SNX13: variants seen among roughly 807,000 people sequenced by gnomAD.
SNX13 encodes sorting nexin-13.
A neutral mutation model predicts 133.6 loss-of-function variants in SNX13; 45 were observed. The observed-to-expected ratio is 0.34, with a 90% CI of 0.27 to 0.43. The LOEUF (loss-of-function observed/expected upper bound fraction) is 0.43, where lower values mean the gene tolerates loss of function less well. Ranked by LOEUF, SNX13 falls within the 20% of genes least tolerant of loss-of-function variation. The pLI is 1.00. For synonymous variants in SNX13, 414 were observed against 373.9 expected (o/e 1.11, Z -1.24); for missense variants, 1,032 against 1,145.1 (o/e 0.90, Z 1.43).
chr7:17,796,352 T>A (rs546110080), intron 25 of SNX13: 4 of 152,792 alleles, frequency 2.6e-5, no homozygotes, highest in Non-Finnish European at 5.8e-5. Flanking sequence ...GTAAATGGAG[T>A]TTTTGAAATA....
Position 17,801,568 on chromosome 7 carries a change from C to T in SNX13, c.2298+20G>A. On this transcript the variant is annotated intron_variant, in intron 22 of 25. Coordinates refer to ENST00000428135, the MANE Select transcript of SNX13 (RefSeq NM_015132.5). ...AAGTATGACTTAAACTAAATACTAC[C>T]AAGAATAAAATTAACTCACATTATC... 1 of 1,586,566 alleles carries T rather than the reference C, an allele frequency of 6.3e-7. No homozygotes were observed. The highest frequency in any genetic ancestry group is 8.6e-7 in the Non-Finnish European group (1 of 1,164,116).
At chr7:17,917,360 A>T (rs1799675085) in intron 1 of SNX13, among the ~76,000 whole-genome samples, 1 of 152,272 alleles carries the variant, frequency 6.6e-6, no homozygotes, top group African/African-American at 2.4e-5. Context: ...GAAAAAGAAG[A>T]AGTCAAATAA....
intron 1 of SNX13, among the ~76,000 whole-genome samples, chr7:17,922,977 A>G (rs771132386): frequency 3.9e-5 from 6 of 152,278 alleles, no homozygotes; most frequent in Non-Finnish European, 8.8e-5. Flanking sequence ...AGTAGCAGGT[A>G]GTATTATAAA....
chr7:17,835,742 GA>G (rs528506415), intron 13 of SNX13, among the ~76,000 whole-genome samples: 11 of 150,162 alleles, frequency 7.3e-5, no homozygotes, highest in South Asian at 2.1e-4. Context: ...CAAGAAAGGA[GA>G]AAAAAAAAGT....
chr7:17,795,453 C>T (rs1029713402), intron 25 of SNX13: 3 of 151,670 alleles, frequency 2.0e-5, no homozygotes, highest in African/African-American at 7.3e-5. Context: ...TATTTACCCT[C>T]ACTTCCTTCA....
chr7:17,844,066 TA>T (rs1790211580), intron 12 of SNX13, among the ~76,000 whole-genome samples: 1 of 150,014 alleles, frequency 6.7e-6, no homozygotes, highest in African/African-American at 2.5e-5. Context: ...AAGGAAACAG[TA>T]AAGATTAGAG....
intron 9 of SNX13, among the ~76,000 whole-genome samples, chr7:17,853,346 G>A (rs963836223): frequency 1.3e-5 from 2 of 152,082 alleles, no homozygotes; most frequent in African/African-American, 4.8e-5. Context: ...AAGCAAAGCA[G>A]GAAGAGTGGG....
intron 5 of SNX13, among the ~76,000 whole-genome samples, chr7:17,883,856 G>T (rs756368851): frequency 2.0e-5 from 3 of 152,152 alleles, no homozygotes; most frequent in Non-Finnish European, 4.4e-5. Context: ...TGCTGAGAAT[G>T]ATGGTTTCCA....
rs986767686 is a variant in SNX13 at position 17,885,291 on chromosome 7, T to C, written c.440+5072A>G. 5.4e-5 allele frequency among the ~76,000 whole-genome samples: 5 copies of C among 92,658 alleles called. No homozygotes were observed. The East Asian group carries it at 1.7e-3, about 31-fold the overall frequency. The allele number at this position is 92,658 out of a possible 152,430, so 60.8% of individuals were successfully genotyped here. On this transcript the variant is annotated intron_variant, in intron 5 of 25. Coordinates refer to ENST00000428135, the MANE Select transcript of SNX13 (RefSeq NM_015132.5). ...AAAATGCTCAGAATAGGCAAATCCA[T>C]AGAGACAAAAAAAAAAAAAAAAGAT... is the stretch of plus-strand genomic sequence containing the variant.
intron 1 of SNX13, among the ~76,000 whole-genome samples, chr7:17,910,708 T>TC (rs1798872572): frequency 1.3e-5 from 2 of 152,160 alleles, no homozygotes. Flanking sequence ...TACCTATAAT[T>TC]CAGCCATGAA....
chr7:17,908,087 T>C (rs141099713), intron 1 of SNX13, among the ~76,000 whole-genome samples: 1 of 152,252 alleles, frequency 6.6e-6, no homozygotes, highest in Non-Finnish European at 1.5e-5. Context: ...ATCCCAAATG[T>C]TTCCTATATT....
chr7:17,858,736 A>G (rs2128335511), intron 9 of SNX13, among the ~76,000 whole-genome samples: 1 of 152,260 alleles, frequency 6.6e-6, no homozygotes, highest in African/African-American at 2.4e-5. Context: ...AGCTAAAGTA[A>G]TCAGAAAGTA....
intron 20 of SNX13, among the ~76,000 whole-genome samples, chr7:17,809,403 A>T (rs891850493): frequency 4.0e-5 from 6 of 151,626 alleles, no homozygotes; most frequent in Admixed American, 6.6e-5. Context: ...ACATAATGGT[A>T]AAGGGATCAA....
At chr7:17,842,939 T>C (rs1247852269) in intron 12 of SNX13, among the ~76,000 whole-genome samples, 1 of 151,828 alleles carries the variant, frequency 6.6e-6, no homozygotes, top group Non-Finnish European at 1.5e-5. Flanking sequence ...CTACATAATA[T>C]ACATAAGAGG....
chr7:17,871,531 G>C (rs568884051), intron 8 of SNX13, among the ~76,000 whole-genome samples: 70 of 152,170 alleles, frequency 4.6e-4, no homozygotes, highest in East Asian at 3.1e-3. Flanking sequence ...TATCAAGTGG[G>C]TTTAGCCAAA....
At chr7:17,912,939 T>C (rs2128022770) in intron 1 of SNX13, among the ~76,000 whole-genome samples, 1 of 152,274 alleles carries the variant, frequency 6.6e-6, no homozygotes, top group Admixed American at 6.5e-5. Flanking sequence ...AGGAAGAGAC[T>C]TGTGAAGCTG....
At position 17,839,768 on chromosome 7, in the gene SNX13, C is replaced by T. The variant is rs749543976; in HGVS notation, c.1359+39G>A. On this transcript the variant is annotated intron_variant, in intron 13 of 25. Transcript: ENST00000428135. ...TGGATTACAAAAATTATTAATAATA[C>T]TGCTAAAGAAGAAAACAGTAATCAA... 4 of 1,501,990 alleles carry T rather than the reference C, an allele frequency of 2.7e-6. No homozygotes were observed. The African/African-American group carries it at 4.3e-5, about 16-fold the overall frequency. The allele number at this position is 1,501,990 out of a possible 1,614,324, so 93.0% of individuals were successfully genotyped here. A position where few individuals can be genotyped will look rare whatever the true frequency, so the allele number is the denominator to read the frequency against.
At chr7:17,817,303 T>C (rs1786772557) in intron 18 of SNX13, among the ~76,000 whole-genome samples, 1 of 152,256 alleles carries the variant, frequency 6.6e-6, no homozygotes, top group Non-Finnish European at 1.5e-5. Flanking sequence ...GTCATTTAAC[T>C]AGTGACTGTA....
chr7:17,826,661 G>A (rs893782049), intron 16 of SNX13, among the ~76,000 whole-genome samples: 3 of 151,994 alleles, frequency 2.0e-5, no homozygotes, highest in Non-Finnish European at 4.4e-5. Flanking sequence ...ATTAAATGAG[G>A]TGAATCCATA....
Sources: allele counts gnomAD v4.1 joint callset (sites outside exome capture counted in the v4.1 genomes callset), GRCh38; gene constraint gnomAD v4.1.1; transcripts MANE v1.5; gene names NCBI Gene and HGNC (gene_info 2026-07-23, HGNC 2026-07-21).